The following ASAP2 variants were observed in gnomAD, a reference collection of about 807,000 sequenced individuals.
The protein encoded by ASAP2 is ArfGAP with SH3 domain, ankyrin repeat and PH domain 2, also known as arf-GAP with SH3 domain, ANK repeat and PH domain-containing protein 2.
A neutral mutation model predicts 131.4 loss-of-function variants in ASAP2; 45 were observed. The observed-to-expected ratio is 0.34, with a 90% confidence interval of 0.27 to 0.44. The LOEUF (loss-of-function observed/expected upper bound fraction) is 0.44, where lower values mean the gene tolerates loss of function less well. Ranked by LOEUF, ASAP2 falls within the 20% of genes least tolerant of loss-of-function variation. ASAP2 has a pLI of 1.00. For synonymous variants in ASAP2, 510 were observed against 503.0 expected, an observed-to-expected ratio of 1.01 and a Z score of -0.19; for missense variants, 1,011 against 1,297.0, an observed-to-expected ratio of 0.78 and a Z score of 3.39.
chr2:9,384,836 C>T (rs2715859), intron 20 of ASAP2, among the ~76,000 whole-genome samples: 41,641 of 152,136 alleles, frequency 0.27, 10,933 homozygotes, highest in African/African-American at 0.69. Flanking sequence ...CCCCAGGGTA[C>T]AGGGTGAGAC....
intron 21 of ASAP2, 93 bp from the exon 22 acceptor site, chr2:9,388,201 G>C: frequency 1.3e-6 from 2 of 1,512,738 alleles, no homozygotes; most frequent in Non-Finnish European, 1.8e-6. Context: ...AGCAGAGTTG[G>C]TGTCAGTGAG....
intron 3 of ASAP2, among the ~76,000 whole-genome samples, chr2:9,302,081 C>T (rs529962956): frequency 2.7e-5 from 4 of 149,204 alleles, no homozygotes; most frequent in Non-Finnish European, 3.0e-5. Flanking sequence ...CCTTGGCCTC[C>T]CAAAGTGCAG....
intron 14 of ASAP2, among the ~76,000 whole-genome samples, chr2:9,356,859 G>A (rs980770506): frequency 6.6e-6 from 1 of 152,164 alleles, no homozygotes. Context: ...CACATTCTGT[G>A]AAATAAGATT....
At chr2:9,370,315 G>A (rs2148699563) in intron 16 of ASAP2, among the ~76,000 whole-genome samples, 1 of 152,300 alleles carries the variant, frequency 6.6e-6, no homozygotes, top group South Asian at 2.1e-4. Flanking sequence ...TCTCAGGTGA[G>A]CGATTTAGTT....
At chr2:9,244,731 C>T (rs1281168572) in intron 1 of ASAP2, among the ~76,000 whole-genome samples, 4 of 152,186 alleles carry the variant, frequency 2.6e-5, no homozygotes, top group Non-Finnish European at 5.9e-5. Flanking sequence ...TGAGCACCTT[C>T]CCAGGTACCC....
intron 1 of ASAP2, among the ~76,000 whole-genome samples, chr2:9,278,524 A>C (rs1383482132): frequency 6.6e-6 from 1 of 151,934 alleles, no homozygotes; most frequent in Non-Finnish European, 1.5e-5. Flanking sequence ...AAAAAAAAAA[A>C]AAAAGAAAAA....
chr2:9,208,269 A>G (rs1651035280), intron 1 of ASAP2, among the ~76,000 whole-genome samples: 1 of 129,736 alleles, frequency 7.7e-6, no homozygotes, highest in Admixed American at 1.0e-4. Flanking sequence ...CTGGGCCAGG[A>G]TGTCAGGTTA....
intron 24 of ASAP2, among the ~76,000 whole-genome samples, chr2:9,396,497 G>A (rs1572634872): frequency 6.6e-6 from 1 of 152,052 alleles, no homozygotes; most frequent in Non-Finnish European, 1.5e-5. Flanking sequence ...GGCTGGTCTC[G>A]AACTCCTGGG....
chr2:9,368,471 G>A lies in ASAP2; in HGVS notation c.1508G>A (p.Cys503Tyr). The change falls in exon 16 of 28, where the codon TGT becomes TAT. Residue 503 changes from cysteine (C) to tyrosine (Y), a missense_variant. Transcript: ENST00000281419. Reference sequence around the variant, plus strand: ...GCAGGCTTTAATGAGATCATGGAATGTTGCCTACCAGCTGAGGACTCAGTC... The same window carrying A: ...GCAGGCTTTAATGAGATCATGGAATATTGCCTACCAGCTGAGGACTCAGTC... ...GNAGFNEIME[C>Y]CLPAEDSVKP... The A allele has an allele frequency of 6.2e-7, 1 of 1,614,220 alleles. No individual in the cohort carries two copies. The highest frequency in any genetic ancestry group is 8.5e-7 in the Non-Finnish European group (1 of 1,180,044).
intron 1 of ASAP2, among the ~76,000 whole-genome samples, chr2:9,256,333 A>G (rs1237463889): frequency 1.3e-5 from 2 of 152,164 alleles, no homozygotes; most frequent in Admixed American, 1.3e-4. Context: ...GAGGGTGTAT[A>G]TGCATGTGCT....
chr2:9,376,421 A>C (rs1045399764), intron 17 of ASAP2, among the ~76,000 whole-genome samples: 4 of 152,268 alleles, frequency 2.6e-5, no homozygotes, highest in Non-Finnish European at 5.9e-5. Context: ...GGGAATCCCC[A>C]GTATGAGTTG....
At chr2:9,378,223 G>A (rs550443203) in intron 18 of ASAP2, among the ~76,000 whole-genome samples, 31 of 152,184 alleles carry the variant, frequency 2.0e-4, no homozygotes, top group Admixed American at 5.9e-4. Context: ...TTGTGCAGGG[G>A]CACAAAGCTC....
chr2:9,361,097 A>G (rs1241788609), intron 15 of ASAP2, among the ~76,000 whole-genome samples: 1 of 152,202 alleles, frequency 6.6e-6, no homozygotes. Context: ...CAGAGCCTCC[A>G]TCTGCATTCT....
intron 3 of ASAP2, among the ~76,000 whole-genome samples, chr2:9,304,753 G>A (rs1668732118): frequency 7.0e-6 from 1 of 142,524 alleles, no homozygotes. Flanking sequence ...GGTGGAGGGG[G>A]TTGTAATAGT....
At chr2:9,377,908 G>C (rs1674529202) in intron 18 of ASAP2, among the ~76,000 whole-genome samples, 1 of 152,072 alleles carries the variant, frequency 6.6e-6, no homozygotes, top group Admixed American at 6.6e-5. Context: ...CCCCATCTCT[G>C]AGTGCCAGCC....
At chr2:9,326,257 A>G (rs1670470961) in intron 6 of ASAP2, among the ~76,000 whole-genome samples, 1 of 152,170 alleles carries the variant, frequency 6.6e-6, no homozygotes, top group Admixed American at 6.5e-5. Flanking sequence ...CATGACTTTA[A>G]AATTATTTGA....
In ASAP2 at chr2:9,215,018, G is replaced by T. The variant is rs540948881; in HGVS notation, c.126+7788G>T. ...CATTGCTTAATGACGAACATGCATC[G>T]TTAAGATTTCTTCATTGTGCGAACA... On this transcript the variant is annotated intron_variant, in intron 1 of 27. Transcript: ENST00000281419. 2.0e-5 allele frequency among the ~76,000 whole-genome samples: 3 copies of T among 152,246 alleles called. No individual in the cohort carries two copies. In the East Asian group the frequency reaches 5.8e-4, roughly 29 times the overall value.
At chr2:9,257,545 G>A (rs1201328290) in intron 1 of ASAP2, among the ~76,000 whole-genome samples, 1 of 152,168 alleles carries the variant, frequency 6.6e-6, no homozygotes, top group Non-Finnish European at 1.5e-5. Flanking sequence ...TTGAGACAAG[G>A]TTTCTCTCTG....
At chr2:9,367,627 G>A (rs1319739679) in intron 15 of ASAP2, among the ~76,000 whole-genome samples, 1 of 152,018 alleles carries the variant, frequency 6.6e-6, no homozygotes, top group Admixed American at 6.5e-5. Flanking sequence ...TGGGCGTGGT[G>A]GCGTGTGCCT....
Sources: allele counts gnomAD v4.1 joint callset (sites outside exome capture counted in the v4.1 genomes callset), GRCh38; gene constraint gnomAD v4.1.1; transcripts MANE v1.5; gene names NCBI Gene and HGNC (gene_info 2026-07-23, HGNC 2026-07-21).